MED15: variants seen among roughly 807,000 people sequenced by gnomAD.
MED15 encodes the protein mediator of RNA polymerase II transcription subunit 15.
In MED15, 41 loss-of-function variants were observed where a neutral mutation model predicts 118.7. That is an observed-to-expected ratio of 0.35 (90% CI 0.27 to 0.45). MED15 has a LOEUF of 0.45. Among genes scored for constraint, MED15 ranks in the 20% least tolerant of loss-of-function variants. The probability of loss-of-function intolerance (pLI) is 1.00; values close to 1 mark genes in which losing one functional copy is unlikely to be tolerated. For synonymous variants in MED15, 436 were observed against 413.9 expected, an observed-to-expected ratio of 1.05 and a Z score of -0.65; for missense variants, 740 against 1,025.5, an observed-to-expected ratio of 0.72 and a Z score of 3.80.
At position 20,583,259 on chromosome 22, in the gene MED15, C is replaced by T. The variant is rs762905088; in HGVS notation, c.1672+12C>T. 26 of 1,611,314 alleles carry T rather than the reference C, an allele frequency of 1.6e-5. No individual in the cohort carries two copies. The East Asian group carries it at 5.8e-4, about 36-fold the overall frequency. ...CGACAAGAACGAAGGTAGGCTGCAG[C>T]CAGGGCAGGGGCCTGCACCCTGGGG... On this transcript the variant is annotated intron_variant, in intron 12 of 17. Transcript: ENST00000263205.
At chr22:20,508,298 C>T in intron 1 of MED15, 2 of 1,302,454 alleles carry the variant, frequency 1.5e-6, no homozygotes, top group Non-Finnish European at 2.0e-6. Flanking sequence ...TGTCAGGAAG[C>T]GATCGTCGTT....
rs967513743 is a variant in MED15, at chr22:20,507,756, G to A, written c.68+10G>A. The A allele has an allele frequency of 6.2e-7, 1 of 1,614,016 alleles. No individual in the cohort carries two copies. The highest frequency in any genetic ancestry group is 1.7e-5 in the Admixed American group (1 of 60,032). ...AGCTGGTCAGTCAAATGTGAGTAGT[G>A]GTCGGGGCAGGGGGCTGGATTGTGG... On this transcript the variant is annotated intron_variant, in intron 1 of 17. Transcript: ENST00000263205.
intron 1 of MED15, among the ~76,000 whole-genome samples, chr22:20,532,568 A>T (rs1047555215): frequency 2.6e-5 from 4 of 152,188 alleles, no homozygotes; most frequent in African/African-American, 9.7e-5. Flanking sequence ...AAGGCAGAGC[A>T]TTGGAGCCCA....
At chr22:20,528,322 C>G (rs114819925) in intron 1 of MED15, among the ~76,000 whole-genome samples, 4,276 of 152,180 alleles carry the variant, frequency 0.028, 206 homozygotes, top group African/African-American at 0.097. Flanking sequence ...CACCAGGGAC[C>G]GGTTTCACAG....
At chr22:20,546,029 T>C (rs1211757293) in intron 2 of MED15, among the ~76,000 whole-genome samples, 1 of 152,216 alleles carries the variant, frequency 6.6e-6, no homozygotes, top group Admixed American at 6.5e-5. Flanking sequence ...GGGCCCCACC[T>C]GACAATCACA....
chr22:20,532,137 A>G (rs574284933), intron 1 of MED15, among the ~76,000 whole-genome samples: 1 of 152,218 alleles, frequency 6.6e-6, no homozygotes, highest in South Asian at 2.1e-4. Context: ...GGAGCTGGCG[A>G]GGGCGTGGGG....
intron 2 of MED15, 36 bp downstream of exon 2, chr22:20,537,240 A>G: frequency 6.3e-7 from 1 of 1,577,472 alleles, no homozygotes; most frequent in Non-Finnish European, 8.7e-7. Flanking sequence ...TCTGGCAGAG[A>G]GACTTGGAGA....
intron 1 of MED15, chr22:20,523,734 A>G (rs1480869578): frequency 4.1e-6 from 4 of 985,334 alleles, no homozygotes; most frequent in Non-Finnish European, 4.8e-6. Flanking sequence ...AGGCCTTTCC[A>G]ACTCTGCTGG....
chr22:20,551,656 C>A, intron 3 of MED15, 169 bp downstream of exon 3: 1 of 675,512 alleles, frequency 1.5e-6, no homozygotes, highest in South Asian at 1.7e-5. Flanking sequence ...ACTCCAGATC[C>A]CTCCATCCTC....
chr22:20,580,415 C>T (rs2056947643), intron 9 of MED15, among the ~76,000 whole-genome samples: 1 of 152,172 alleles, frequency 6.6e-6, no homozygotes, highest in African/African-American at 2.4e-5. Flanking sequence ...CAGAAAAGAG[C>T]TGACCATCTT....
chr22:20,541,388 A>C (rs184802037), intron 2 of MED15, among the ~76,000 whole-genome samples: 1 of 152,388 alleles, frequency 6.6e-6, no homozygotes, highest in East Asian at 1.9e-4. Flanking sequence ...AGGGGATTGC[A>C]AATAAAAACC....
intron 2 of MED15, among the ~76,000 whole-genome samples, chr22:20,546,827 C>A (rs923083947): frequency 1.3e-5 from 2 of 152,154 alleles, no homozygotes; most frequent in African/African-American, 2.4e-5. Context: ...GGCATTTAGA[C>A]CCAGATTGGC....
intron 2 of MED15, among the ~76,000 whole-genome samples, chr22:20,546,119 A>G (rs918974380): frequency 9.2e-5 from 14 of 152,104 alleles, no homozygotes; most frequent in Admixed American, 3.3e-4. Context: ...TCTTTGAATC[A>G]GGATCCAAAC....
chr22:20,561,899 G>A (rs2056257603), intron 5 of MED15, among the ~76,000 whole-genome samples: 1 of 152,188 alleles, frequency 6.6e-6, no homozygotes. Context: ...GCTGAGGTAA[G>A]AGGATCACTT....
chr22:20,516,013 A>C (rs11704335), intron 1 of MED15, among the ~76,000 whole-genome samples: 17 of 92,886 alleles, frequency 1.8e-4, no homozygotes, highest in Admixed American at 3.3e-4. Flanking sequence ...AACAAACAAA[A>C]AAAATTAAAA....
At chr22:20,508,508 C>T (rs923740476) in intron 1 of MED15, 19 of 911,358 alleles carry the variant, frequency 2.1e-5, no homozygotes, top group South Asian at 8.8e-5. Flanking sequence ...AGAGAGTCAG[C>T]GAAGGGAGAT....
intron 17 of MED15, 133 bp from the exon 18 acceptor site, chr22:20,586,435 A>G (rs1454496931): frequency 7.6e-7 from 1 of 1,311,978 alleles, no homozygotes; most frequent in East Asian, 2.3e-5. Flanking sequence ...AAGGCCGGGC[A>G]GCGTGCAGGA....
intron 1 of MED15, among the ~76,000 whole-genome samples, chr22:20,532,205 G>A (rs1170747346): frequency 6.6e-6 from 1 of 152,218 alleles, no homozygotes; most frequent in Non-Finnish European, 1.5e-5. Context: ...AGATGCAGTG[G>A]GAGTTGGGGC....
At chr22:20,578,425 C>T (rs78146318) in intron 9 of MED15, among the ~76,000 whole-genome samples, 9,098 of 152,242 alleles carry the variant, frequency 0.06, 630 homozygotes, top group East Asian at 0.38. Context: ...CCCTCTACGT[C>T]CGGCTGCAGT....
Sources: allele counts gnomAD v4.1 joint callset (sites outside exome capture counted in the v4.1 genomes callset), GRCh38; gene constraint gnomAD v4.1.1; transcripts MANE v1.5; gene names NCBI Gene and HGNC (gene_info 2026-07-23, HGNC 2026-07-21).